Variants in RNF10 observed in about 807,000 individuals in gnomAD.
The protein encoded by RNF10 is E3 ubiquitin-protein ligase RNF10.
Under a neutral mutation model 91.4 loss-of-function variants are expected in RNF10, and 38 were observed. The ratio of observed to expected loss-of-function variants is 0.42; its 90% CI spans 0.32 to 0.54. The LOEUF is 0.54. RNF10 is among the 20% of genes least tolerant of loss of function. The pLI, the probability that RNF10 is intolerant of heterozygous loss-of-function variation, is 0.16. For synonymous variants in RNF10, 364 were observed against 366.3 expected (o/e 0.99, Z 0.07); for missense variants, 945 against 1,012.0 (o/e 0.93, Z 0.90).
intron 1 of RNF10, among the ~76,000 whole-genome samples, chr12:120,540,854 C>CTTTTTTTTT (rs34034209): frequency 7.3e-6 from 1 of 137,588 alleles, no homozygotes. Flanking sequence ...AGTTTACTTT[C>CTTTTTTTTT]TTTTTTTTTT....
At chr12:120,568,667 G>C (rs1282554479) in intron 13 of RNF10, among the ~76,000 whole-genome samples, 1 of 151,786 alleles carries the variant, frequency 6.6e-6, no homozygotes, top group Admixed American at 6.6e-5. Context: ...ATAGAGACAG[G>C]GTCTCTCCAT....
At chr12:120,574,637 G>C (rs1387792982) in intron 14 of RNF10, 2 of 419,878 alleles carry the variant, frequency 4.8e-6, no homozygotes, top group Admixed American at 5.2e-5. Context: ...AAAACTGGAG[G>C]GTACTTGGCT....
Position 120,560,786 on chromosome 12 carries a change from G to A in RNF10, c.1028G>A (p.Arg343Gln), listed in dbSNP as rs751785103. Residue 343 changes from arginine (R) to glutamine (Q), a missense_variant, in exon 7 of 17, where the codon CGG becomes CAG. By Grantham distance (43) the Arg-to-Gln change is conservative. Coordinates refer to ENST00000325954, the MANE Select transcript of RNF10 (RefSeq NM_014868.5). ...GCCTCTAAGGAGCAGGTGCTGCACC[G>A]GGTAGTTCTGGAGGAGAAAGTAGCA... ...LLASKEQVLHRVVLEEKVALE... is the reference protein window; with the variant it reads ...LLASKEQVLHQVVLEEKVALE... 31 of 1,613,878 alleles carry A rather than the reference G, an allele frequency of 1.9e-5. No homozygotes were observed. The highest frequency in any genetic ancestry group is 6.7e-5 in the Admixed American group (4 of 59,972).
chr12:120,576,315 G>C (rs1427787875), intron 16 of RNF10, among the ~76,000 whole-genome samples: 4 of 152,192 alleles, frequency 2.6e-5, no homozygotes, highest in Non-Finnish European at 5.9e-5. Flanking sequence ...TATGTATGGC[G>C]TGCTATGTGC....
intron 6 of RNF10, among the ~76,000 whole-genome samples, chr12:120,558,130 G>T (rs1490558473): frequency 6.6e-6 from 1 of 151,940 alleles, no homozygotes; most frequent in African/African-American, 2.4e-5. Context: ...TCAGTCTCTG[G>T]GGAAAAGATA....
chr12:120,563,291 T>C, intron 8 of RNF10, 56 bp from the exon 9 acceptor site: 1 of 1,559,946 alleles, frequency 6.4e-7, no homozygotes, highest in Non-Finnish European at 8.6e-7. Flanking sequence ...ATTTGCCACA[T>C]TGCTTTCGGA....
chr12:120,548,740 A>G (rs1265828817), intron 2 of RNF10, among the ~76,000 whole-genome samples: 2 of 150,136 alleles, frequency 1.3e-5, no homozygotes, highest in Non-Finnish European at 3.0e-5. Context: ...GCTCACTGCA[A>G]CCTCCGCTCT....
chr12:120,567,822 ACAC>A (rs538700922), intron 13 of RNF10, among the ~76,000 whole-genome samples: 9 of 152,078 alleles, frequency 5.9e-5, no homozygotes, highest in African/African-American at 1.2e-4. Context: ...TTTTAAAAAA[ACAC>A]CACCACCACC....
At chr12:120,535,272 G>T (rs1476324135) in intron 1 of RNF10, among the ~76,000 whole-genome samples, 1 of 152,196 alleles carries the variant, frequency 6.6e-6, no homozygotes, top group Non-Finnish European at 1.5e-5. Flanking sequence ...CAGGCCTTAA[G>T]ACTTGGTTTG....
intron 6 of RNF10, among the ~76,000 whole-genome samples, chr12:120,560,193 C>T (rs1332627403): frequency 2.7e-5 from 4 of 148,470 alleles, no homozygotes; most frequent in Non-Finnish European, 5.9e-5. Context: ...CTTTTGTTGC[C>T]CAAGCTGGAA....
intron 1 of RNF10, among the ~76,000 whole-genome samples, chr12:120,545,212 G>A (rs1185464821): frequency 5.9e-5 from 9 of 152,184 alleles, no homozygotes; most frequent in African/African-American, 9.6e-5. Context: ...ACGGAGTCTC[G>A]CCCTGTCACC....
chr12:120,565,263 A>T, intron 11 of RNF10, 74 bp downstream of exon 11: 1 of 1,214,270 alleles, frequency 8.2e-7, no homozygotes, highest in East Asian at 2.3e-5. Context: ...CCAGTGGGGG[A>T]GGAAACTTAT....
At chr12:120,563,228 A>G (rs1195332408) in intron 8 of RNF10, 119 bp from the exon 9 acceptor site, 2 of 1,471,836 alleles carry the variant, frequency 1.4e-6, no homozygotes, top group Non-Finnish European at 1.9e-6. Context: ...GTGTTAAATC[A>G]GTGAACACGA....
At chr12:120,567,335 C>CAAA (rs11373766) in intron 13 of RNF10, among the ~76,000 whole-genome samples, 197 of 143,958 alleles carry the variant, frequency 1.4e-3, no homozygotes, top group Admixed American at 3.6e-3. Flanking sequence ...TTTAATAGCT[C>CAAA]AAAAAAAAAA....
At chr12:120,567,619 T>G (rs1167597363) in intron 13 of RNF10, among the ~76,000 whole-genome samples, 2 of 151,446 alleles carry the variant, frequency 1.3e-5, no homozygotes, top group African/African-American at 4.9e-5. Flanking sequence ...CAGAATTGCT[T>G]GAACCTGGGA....
intron 1 of RNF10, among the ~76,000 whole-genome samples, chr12:120,538,673 T>C (rs940824414): frequency 2.0e-5 from 3 of 152,138 alleles, no homozygotes; most frequent in African/African-American, 4.8e-5. Flanking sequence ...AGAGAGAAGG[T>C]AGGCCGTTTA....
chr12:120,573,609 G>C (rs1876979229), intron 14 of RNF10, among the ~76,000 whole-genome samples: 2 of 151,060 alleles, frequency 1.3e-5, no homozygotes, highest in South Asian at 4.2e-4. Flanking sequence ...AAGTTTATTT[G>C]GCTCATGACT....
intron 1 of RNF10, among the ~76,000 whole-genome samples, chr12:120,544,083 C>T (rs943886108): frequency 2.0e-5 from 3 of 151,774 alleles, no homozygotes; most frequent in Non-Finnish European, 4.4e-5. Flanking sequence ...CAGAATTAGC[C>T]AGGCGTGGTG....
intron 3 of RNF10, among the ~76,000 whole-genome samples, chr12:120,553,496 G>A (rs994246441): frequency 2.0e-5 from 3 of 147,238 alleles, no homozygotes; most frequent in Non-Finnish European, 4.5e-5. Flanking sequence ...TCCACCTCCC[G>A]GAGCTTCATG....
Sources: allele counts gnomAD v4.1 joint callset (sites outside exome capture counted in the v4.1 genomes callset), GRCh38; gene constraint gnomAD v4.1.1; transcripts MANE v1.5; gene names NCBI Gene and HGNC (gene_info 2026-07-23, HGNC 2026-07-21).